PRRX1: variants seen among roughly 807,000 people sequenced by gnomAD.
The protein encoded by PRRX1 is paired mesoderm homeobox protein 1.
In PRRX1, 8 loss-of-function variants were observed where a neutral mutation model predicts 24.0. The ratio of observed to expected loss-of-function variants is 0.33; its 90% CI spans 0.20 to 0.60. PRRX1 has a LOEUF of 0.60. Among genes scored for constraint, PRRX1 ranks in the 20% least tolerant of loss-of-function variants. The pLI is 0.82. For synonymous variants in PRRX1, 160 were observed against 131.7 expected (o/e 1.22, Z -1.47); for missense variants, 281 against 322.4 (o/e 0.87, Z 0.98).
intron 3 of PRRX1, among the ~76,000 whole-genome samples, chr1:170,731,341 G>C (rs1215734467): frequency 6.6e-6 from 1 of 152,142 alleles, no homozygotes; most frequent in Admixed American, 6.6e-5. Flanking sequence ...GAAACCCAAG[G>C]ATTTCAGGAA....
intron 3 of PRRX1, chr1:170,727,114 T>C (rs528825741): frequency 6.6e-6 from 1 of 152,316 alleles, no homozygotes; most frequent in East Asian, 1.9e-4. Flanking sequence ...TGTGTGTGTG[T>C]GTCTGTGTGT....
intron 1 of PRRX1, among the ~76,000 whole-genome samples, chr1:170,704,444 C>T (rs1338909300): frequency 2.0e-5 from 3 of 152,156 alleles, no homozygotes; most frequent in East Asian, 3.9e-4. Context: ...AAACACACTC[C>T]AAATATTCAT....
chr1:170,665,588 C>A (rs567227785), intron 1 of PRRX1, among the ~76,000 whole-genome samples: 1 of 152,204 alleles, frequency 6.6e-6, no homozygotes, highest in Non-Finnish European at 1.5e-5. Flanking sequence ...AACCGGGGGG[C>A]CCTCCAGCAT....
chr1:170,696,255 T>C (rs916974509), intron 1 of PRRX1, among the ~76,000 whole-genome samples: 1 of 151,912 alleles, frequency 6.6e-6, no homozygotes, highest in Admixed American at 6.6e-5. Context: ...ACTGCAAGAA[T>C]AGTGATAAAT....
chr1:170,698,461 CA>C (rs1654247862), intron 1 of PRRX1, among the ~76,000 whole-genome samples: 2 of 152,196 alleles, frequency 1.3e-5, no homozygotes, highest in South Asian at 4.1e-4. Flanking sequence ...CAGCTCAATG[CA>C]AAAAGGCTTC....
chr1:170,663,919 A>G (rs534996395), upstream of PRRX1: 459 of 395,814 alleles, frequency 1.2e-3, 6 homozygotes, highest in South Asian at 0.016. Flanking sequence ...TTAATATTGT[A>G]TTTTACTGTG....
At chr1:170,705,016 G>A (rs1335876561) in intron 1 of PRRX1, among the ~76,000 whole-genome samples, 1 of 152,110 alleles carries the variant, frequency 6.6e-6, no homozygotes, top group African/African-American at 2.4e-5. Flanking sequence ...AGTTCCAAAG[G>A]CACACATGTT....
intron 1 of PRRX1, among the ~76,000 whole-genome samples, chr1:170,665,884 G>T (rs563026045): frequency 6.6e-6 from 1 of 152,358 alleles, no homozygotes; most frequent in South Asian, 2.1e-4. Flanking sequence ...GAATGAGGAA[G>T]TCTGGCCTGG....
At chr1:170,694,847 T>G (rs1654113622) in intron 1 of PRRX1, among the ~76,000 whole-genome samples, 1 of 152,178 alleles carries the variant, frequency 6.6e-6, no homozygotes. Context: ...AAAAGTATGA[T>G]AACATCTAAG....
At chr1:170,666,401 G>C (rs1330185042) in intron 1 of PRRX1, among the ~76,000 whole-genome samples, 3 of 125,486 alleles carry the variant, frequency 2.4e-5, no homozygotes, top group Non-Finnish European at 4.7e-5. Context: ...CTGGATGACA[G>C]AGTGAGACTC....
intron 3 of PRRX1, chr1:170,726,651 G>C: frequency 2.1e-6 from 1 of 470,956 alleles, no homozygotes; most frequent in East Asian, 3.5e-5. Context: ...TCTTGCAAAG[G>C]TTTCAAAGAT....
In PRRX1 at chr1:170,737,209, C is replaced by T. The variant is rs1655641638; in HGVS notation, c.*1023C>T. On this transcript the variant is annotated 3_prime_UTR_variant, in exon 4 of 4. Coordinates refer to ENST00000239461, the MANE Select transcript of PRRX1 (RefSeq NM_022716.4). Reference sequence around the variant, plus strand: ...TATTGCAAGCTTAAGTTTGCAATTTCCCAAACAATACAAAAAGCAAATTAC... The same window carrying T: ...TATTGCAAGCTTAAGTTTGCAATTTTCCAAACAATACAAAAAGCAAATTAC... 2 of 173,084 alleles carry T rather than the reference C, an allele frequency of 1.2e-5. No individual in the cohort carries two copies. Among genetic ancestry groups the T allele is most frequent in the South Asian group, 2.0e-4 (1 of 4,966 alleles). The allele number at this position is 173,084 out of a possible 1,614,324, so 10.7% of individuals were successfully genotyped here.
intron 1 of PRRX1, among the ~76,000 whole-genome samples, chr1:170,700,586 T>C (rs966304143): frequency 2.0e-5 from 3 of 152,146 alleles, no homozygotes; most frequent in Non-Finnish European, 1.5e-5. Context: ...CAGAGAGGCC[T>C]TGAGCATCCT....
chr1:170,721,400 T>C (rs540362322), intron 2 of PRRX1, among the ~76,000 whole-genome samples: 13 of 152,274 alleles, frequency 8.5e-5, no homozygotes, highest in East Asian at 1.9e-4. Flanking sequence ...TCAGGGTAGA[T>C]TCCTAGCCCA....
At chr1:170,720,236 C>T (rs1655039331) in intron 2 of PRRX1, among the ~76,000 whole-genome samples, 1 of 152,086 alleles carries the variant, frequency 6.6e-6, no homozygotes, top group Non-Finnish European at 1.5e-5. Context: ...TGAGATCACG[C>T]CAGTGCACCC....
At chr1:170,692,757 A>C (rs1370095050) in intron 1 of PRRX1, among the ~76,000 whole-genome samples, 1 of 151,748 alleles carries the variant, frequency 6.6e-6, no homozygotes, top group Admixed American at 6.6e-5. Context: ...ACACACACAC[A>C]CACACAGACA....
chr1:170,710,228 A>AAT (rs1654702138), intron 1 of PRRX1, among the ~76,000 whole-genome samples: 1 of 152,202 alleles, frequency 6.6e-6, no homozygotes, highest in African/African-American at 2.4e-5. Context: ...CCACCAAAAG[A>AAT]ATATAATTCA....
intron 2 of PRRX1, among the ~76,000 whole-genome samples, chr1:170,725,583 C>T (rs1237415697): frequency 2.6e-5 from 4 of 152,158 alleles, no homozygotes; most frequent in Admixed American, 2.0e-4. Context: ...GTGTGTTCTA[C>T]GTTAGTCTTA....
chr1:170,665,761 G>T (rs1414004055), intron 1 of PRRX1, among the ~76,000 whole-genome samples: 2 of 152,256 alleles, frequency 1.3e-5, no homozygotes, highest in African/African-American at 4.8e-5. Flanking sequence ...TGCTCAAGAC[G>T]CCTGGTCTTC....
Sources: gnomAD v4.1 joint callset for allele counts (sites outside exome capture counted in the v4.1 genomes callset) on GRCh38, gnomAD v4.1.1 for gene constraint, MANE v1.5 for transcripts, NCBI Gene and HGNC (gene_info 2026-07-23, HGNC 2026-07-21) for gene names.